Variants in ABCB7 observed in about 807,000 individuals in gnomAD.
The protein encoded by ABCB7 is iron-sulfur clusters transporter ABCB7, mitochondrial.
Under a neutral mutation model 54.4 loss-of-function variants are expected in ABCB7, and 7 were observed. The observed-to-expected ratio is 0.13, with a 90% confidence interval of 0.07 to 0.24. The LOEUF (loss-of-function observed/expected upper bound fraction) is 0.24, where lower values mean the gene tolerates loss of function less well. Ranked by LOEUF, ABCB7 falls within the 10% of genes least tolerant of loss-of-function variation. The pLI is 1.00. For synonymous variants in ABCB7, 218 were observed against 207.1 expected, an observed-to-expected ratio of 1.05 and a Z score of -0.45; for missense variants, 356 against 570.4, an observed-to-expected ratio of 0.62 and a Z score of 3.83.
intron 1 of ABCB7, among the ~76,000 whole-genome samples, chrX:75,154,807 C>T (rs967397099): frequency 2.2e-4 from 25 of 111,849 alleles, no homozygotes; most frequent in African/African-American, 4.9e-4. Context: ...TTTTAATTGC[C>T]GATTAATTTA....
intron 15 of ABCB7, among the ~76,000 whole-genome samples, chrX:75,054,893 G>A (rs1041225809): frequency 9.1e-6 from 1 of 110,439 alleles, no homozygotes; most frequent in Non-Finnish European, 1.9e-5. Context: ...CACTTTTTTG[G>A]TATTACTTTC....
intron 1 of ABCB7, among the ~76,000 whole-genome samples, chrX:75,144,227 C>T (rs1023050844): frequency 8.9e-6 from 1 of 111,801 alleles, no homozygotes; most frequent in Admixed American, 9.5e-5. Context: ...GATAATGTCA[C>T]TCCCTACTTA....
intron 1 of ABCB7, among the ~76,000 whole-genome samples, chrX:75,148,584 C>T (rs1257312943): frequency 9.0e-6 from 1 of 110,942 alleles, no homozygotes; most frequent in African/African-American, 3.3e-5. Context: ...GAAACAGGGC[C>T]CTTAAAGAGG....
intron 4 of ABCB7, among the ~76,000 whole-genome samples, chrX:75,082,984 CAAT>C (rs1267142334): frequency 9.0e-6 from 1 of 110,821 alleles, no homozygotes; most frequent in Non-Finnish European, 1.9e-5. Context: ...TAAATGATAG[CAAT>C]ATTATCAATA....
At position 75,088,583 on chromosome X, in the gene ABCB7, G is replaced by A. The variant is rs750946359; in HGVS notation, c.453+10359C>T. On this transcript the variant is annotated intron_variant, in intron 4 of 15. Transcript: ENST00000373394. ...GAAAAGAATCAGTGAGCTTGAAGAC[G>A]TATGTCAGTGAAAACTTCACAAAGT... 1.4e-4 allele frequency among the ~76,000 whole-genome samples: 16 copies of A among 111,412 alleles called. No homozygotes were observed. The East Asian group carries it at 1.7e-3, about 12-fold the overall frequency.
intron 4 of ABCB7, among the ~76,000 whole-genome samples, chrX:75,078,021 C>T (rs1358281251): frequency 1.9e-5 from 2 of 107,729 alleles, no homozygotes; most frequent in African/African-American, 6.8e-5. Flanking sequence ...TCAAGCGATT[C>T]TTCTGCCTCA....
chrX:75,094,241 C>G (rs1342570751), intron 4 of ABCB7, among the ~76,000 whole-genome samples: 3 of 109,314 alleles, frequency 2.7e-5, no homozygotes, highest in Non-Finnish European at 5.7e-5. Context: ...TCCTTTGCCC[C>G]CAGTTTTTCT....
chrX:75,085,730 T>C (rs2081491852), intron 4 of ABCB7, among the ~76,000 whole-genome samples: 1 of 111,846 alleles, frequency 8.9e-6, no homozygotes, highest in East Asian at 2.8e-4. Context: ...CATACCCCTG[T>C]TACTTTTTAA....
At chrX:75,062,641 T>C (rs1051763922) in intron 13 of ABCB7, 1 of 406,886 alleles carries the variant, frequency 2.5e-6, no homozygotes. Flanking sequence ...ACTACTGAAT[T>C]CTGACTTCAT....
At chrX:75,142,738 C>T (rs1331959371) in intron 1 of ABCB7, among the ~76,000 whole-genome samples, 1 of 112,161 alleles carries the variant, frequency 8.9e-6, no homozygotes, top group African/African-American at 3.2e-5. Flanking sequence ...TAAAATCCTG[C>T]ACGTCGCTCT....
chrX:75,153,726 GA>G (rs1262736314), intron 1 of ABCB7, among the ~76,000 whole-genome samples: 2 of 81,557 alleles, frequency 2.5e-5, no homozygotes, highest in African/African-American at 8.2e-5. Context: ...ATACATGTGG[GA>G]CTGTGTGTGT....
chrX:75,148,614 T>A (rs1401418299), intron 1 of ABCB7, among the ~76,000 whole-genome samples: 1 of 111,006 alleles, frequency 9.0e-6, no homozygotes, highest in Non-Finnish European at 1.9e-5. Context: ...TTCAATGAGG[T>A]CATTAAGGTG....
chrX:75,119,378 ACT>A (rs1910029288), intron 1 of ABCB7, among the ~76,000 whole-genome samples: 1 of 112,403 alleles, frequency 8.9e-6, no homozygotes, highest in African/African-American at 3.2e-5. Flanking sequence ...TGTGTGACAT[ACT>A]GGCTAAAGTT....
intron 1 of ABCB7, among the ~76,000 whole-genome samples, chrX:75,147,998 C>T (rs1447841031): frequency 5.4e-5 from 6 of 111,541 alleles, no homozygotes; most frequent in Non-Finnish European, 9.4e-5. Flanking sequence ...CGCCTGTAAT[C>T]CCAGCTACTT....
rs768257406 is a variant in ABCB7 at position 75,053,563 on chromosome X, G to A, written c.2066C>T (p.Thr689Ile). 2 of 1,192,046 alleles carry A rather than the reference G, an allele frequency of 1.7e-6. No homozygotes were observed. Among genetic ancestry groups the A allele is most frequent in the African/African-American group, 1.8e-5 (1 of 56,972 alleles). The change falls in exon 16 of 16, where the codon ACC becomes ATC. Residue 689 changes from threonine (T) to isoleucine (I), a missense_variant. This residue lies in a region of ABCB7 where 241 missense variants were observed against 470.9 expected (regional missense o/e 0.51). Coordinates refer to ENST00000373394, the MANE Select transcript of ABCB7 (RefSeq NM_001271696.3). ...LDQGKVAERG[T>I]HHGLLANPHS... is the part of the protein sequence containing the mutation. ...AGGGTTAGCAAGCAAACCATGGTGGGTACCACGTTCGGCTACCTTACCCTA... is the reference window on the plus strand; with the variant it reads ...AGGGTTAGCAAGCAAACCATGGTGGATACCACGTTCGGCTACCTTACCCTA...
chrX:75,140,442 T>C (rs1382234372), intron 1 of ABCB7, among the ~76,000 whole-genome samples: 1 of 110,849 alleles, frequency 9.0e-6, no homozygotes, highest in Non-Finnish European at 1.9e-5. Flanking sequence ...ATAGGGAAAT[T>C]AATGAGATCA....
intron 3 of ABCB7, among the ~76,000 whole-genome samples, chrX:75,104,467 T>A (rs2081671652): frequency 9.1e-6 from 1 of 109,629 alleles, no homozygotes; most frequent in Non-Finnish European, 1.9e-5. Context: ...TTTCTGGAAA[T>A]GTACAACCTC....
rs1296462160 is a variant in ABCB7 at position 75,073,680 on chromosome X, A to G, written c.1032+9T>C. ...GAAAGGCAGAGGAAAGTATAATTAA[A>G]CATATTACCTTCACAGTTTCATAAT... is the stretch of plus-strand genomic sequence containing the variant. On this transcript the variant is annotated intron_variant, in intron 8 of 15. Transcript: ENST00000373394. 1 of 1,161,719 alleles carries G rather than the reference A, an allele frequency of 8.6e-7. No individual in the cohort carries two copies. Among genetic ancestry groups the G allele is most frequent in the African/African-American group, 1.8e-5 (1 of 56,294 alleles).
At chrX:75,099,922 C>T (rs1262573793) in intron 3 of ABCB7, among the ~76,000 whole-genome samples, 1 of 109,712 alleles carries the variant, frequency 9.1e-6, no homozygotes, top group Non-Finnish European at 1.9e-5. Context: ...AAAGATACTG[C>T]TTATTACTGC....
Sources: allele counts gnomAD v4.1 joint callset (sites outside exome capture counted in the v4.1 genomes callset), GRCh38; gene constraint gnomAD v4.1.1; regional missense constraint gnomAD v4.1.1; transcripts MANE v1.5; gene names NCBI Gene and HGNC (gene_info 2026-07-23, HGNC 2026-07-21).